The following ACCSL variants were observed in gnomAD, a reference collection of about 807,000 sequenced individuals.
ACCSL encodes probable inactive 1-aminocyclopropane-1-carboxylate synthase-like protein 2.
In ACCSL, 55 loss-of-function variants were observed where a neutral mutation model predicts 61.7. The ratio of observed to expected loss-of-function variants is 0.89; its 90% CI spans 0.72 to 1.12. The LOEUF is 1.12. ACCSL is among the 50% of genes most tolerant of loss of function. The probability of loss-of-function intolerance (pLI) is 0.00; values close to 1 mark genes in which losing one functional copy is unlikely to be tolerated. For synonymous variants in ACCSL, 258 were observed against 264.3 expected, an observed-to-expected ratio of 0.98 and a Z score of 0.23; for missense variants, 632 against 698.0, an observed-to-expected ratio of 0.91 and a Z score of 1.07.
At chr11:43,971,098 C>T in the ACCSL span, among the ~76,000 whole-genome samples, 2 of 151,920 alleles carry the variant, frequency 1.3e-5, no homozygotes, top group African/African-American at 2.4e-5. Context: ...TTTGGGAGGC[C>T]GAGGTGGGCA....
chr11:44,013,479 G>A, the ACCSL span, among the ~76,000 whole-genome samples: 1 of 152,104 alleles, frequency 6.6e-6, no homozygotes, highest in Admixed American at 6.5e-5. Flanking sequence ...GGGGGGTGGA[G>A]GGGGGCGCTT....
the ACCSL span, among the ~76,000 whole-genome samples, chr11:44,014,687 G>T: frequency 6.6e-6 from 1 of 152,086 alleles, no homozygotes; most frequent in Non-Finnish European, 1.5e-5. Context: ...TTGGAGGATG[G>T]TGACCCTAGG....
At chr11:44,020,218 T>G in the ACCSL span, among the ~76,000 whole-genome samples, 1 of 152,242 alleles carries the variant, frequency 6.6e-6, no homozygotes, top group African/African-American at 2.4e-5. Context: ...TCGTATAGTT[T>G]GTGTATTTGT....
chr11:43,968,972 C>T, the ACCSL span, among the ~76,000 whole-genome samples: 36 of 152,260 alleles, frequency 2.4e-4, no homozygotes, highest in Non-Finnish European at 3.8e-4. Flanking sequence ...CTGCCTACTG[C>T]CCTTAGATTC....
chr11:44,039,805 G>C, the ACCSL span, among the ~76,000 whole-genome samples: 1 of 152,210 alleles, frequency 6.6e-6, no homozygotes, highest in Non-Finnish European at 1.5e-5. Context: ...TGGGGCTACA[G>C]GCTGCCTTGG....
the ACCSL span, among the ~76,000 whole-genome samples, chr11:44,006,696 G>T: frequency 2.3e-4 from 35 of 151,788 alleles, 1 homozygote; most frequent in East Asian, 6.0e-3. Context: ...GTAGAGATGG[G>T]GTTTCATCAT....
At chr11:43,934,835 G>A in the ACCSL span, among the ~76,000 whole-genome samples, 11 of 152,322 alleles carry the variant, frequency 7.2e-5, no homozygotes, top group Admixed American at 2.0e-4. Context: ...TGTGACTCAC[G>A]CCCAGGTTAC....
the ACCSL span, among the ~76,000 whole-genome samples, chr11:44,035,741 T>A: frequency 2.0e-5 from 3 of 151,646 alleles, no homozygotes; most frequent in Admixed American, 6.6e-5. Flanking sequence ...AGTTTGAGAC[T>A]AGCCTGGCCA....
At chr11:44,004,736 G>T in the ACCSL span, among the ~76,000 whole-genome samples, 1 of 152,168 alleles carries the variant, frequency 6.6e-6, no homozygotes, top group East Asian at 1.9e-4. Context: ...TCCTCAAAAT[G>T]CAGTCCAAGA....
At chr11:43,957,615 G>A in the ACCSL span, among the ~76,000 whole-genome samples, 5 of 152,142 alleles carry the variant, frequency 3.3e-5, no homozygotes, top group Non-Finnish European at 7.4e-5. Flanking sequence ...AGTTTGCAGG[G>A]CCATTTCAAA....
chr11:44,032,728 G>C, the ACCSL span, among the ~76,000 whole-genome samples: 6 of 152,186 alleles, frequency 3.9e-5, no homozygotes, highest in East Asian at 7.7e-4. Context: ...AGCTCTGCAG[G>C]TCCAGGTTTG....
the ACCSL span, among the ~76,000 whole-genome samples, chr11:43,968,922 A>G: frequency 6.6e-6 from 1 of 152,122 alleles, no homozygotes; most frequent in African/African-American, 2.4e-5. Flanking sequence ...GGCTCACATG[A>G]TTCAGCAAAC....
chr11:44,009,818 C>A, the ACCSL span, among the ~76,000 whole-genome samples: 2 of 152,092 alleles, frequency 1.3e-5, no homozygotes, highest in Non-Finnish European at 2.9e-5. Context: ...AATTGTGCAT[C>A]TTGGAATCAA....
chr11:44,046,656 T>C (rs192910876), upstream of ACCSL, among the ~76,000 whole-genome samples: 107 of 151,112 alleles, frequency 7.1e-4, no homozygotes, highest in Non-Finnish European at 1.2e-3. Flanking sequence ...AGCAACGAGG[T>C]TTTTTTTTGT....
At chr11:44,023,294 C>T in the ACCSL span, among the ~76,000 whole-genome samples, 2 of 152,082 alleles carry the variant, frequency 1.3e-5, no homozygotes, top group Non-Finnish European at 2.9e-5. Flanking sequence ...CTCAAGCAAT[C>T]CACCTGCCTC....
the ACCSL span, among the ~76,000 whole-genome samples, chr11:44,002,202 C>T: frequency 2.0e-5 from 3 of 152,066 alleles, no homozygotes; most frequent in African/African-American, 7.2e-5. Context: ...CCGGAAAGGG[C>T]CATTCTGGTG....
chr11:44,049,187 A>C (rs891220421), intron 1 of ACCSL, among the ~76,000 whole-genome samples: 1 of 152,122 alleles, frequency 6.6e-6, no homozygotes, highest in African/African-American at 2.4e-5. Context: ...TGGGAGGCCA[A>C]GGTTGGTGGA....
At chr11:44,020,616 T>A in the ACCSL span, among the ~76,000 whole-genome samples, 5 of 152,188 alleles carry the variant, frequency 3.3e-5, no homozygotes, top group Non-Finnish European at 7.3e-5. Flanking sequence ...TATGGTACAT[T>A]ATATTGATTT....
chr11:44,022,674 C>G, the ACCSL span, among the ~76,000 whole-genome samples: 1 of 152,058 alleles, frequency 6.6e-6, no homozygotes, highest in African/African-American at 2.4e-5. Flanking sequence ...ATCTTGCGCT[C>G]CTGGAATAAA....
Sources: gnomAD v4.1 joint callset for allele counts (sites outside exome capture counted in the v4.1 genomes callset) on GRCh38, gnomAD v4.1.1 for gene constraint, MANE v1.5 for transcripts, NCBI Gene and HGNC (gene_info 2026-07-23, HGNC 2026-07-21) for gene names.